BAHCC1: variants seen among roughly 807,000 people sequenced by gnomAD.
BAHCC1 encodes the protein BAH and coiled-coil domain-containing protein 1.
In BAHCC1, 43 loss-of-function variants were observed where a neutral mutation model predicts 88.2. The observed-to-expected ratio is 0.49, with a 90% CI of 0.38 to 0.63. The LOEUF (loss-of-function observed/expected upper bound fraction) is 0.63. Among genes scored for constraint, BAHCC1 ranks in the 20% least tolerant of loss-of-function variants. The pLI, the probability that BAHCC1 is intolerant of heterozygous loss-of-function variation, is 0.00. For synonymous variants in BAHCC1, 1,510 were observed against 745.5 expected, an observed-to-expected ratio of 2.03 and a Z score of -16.71; for missense variants, 3,023 against 1,654.8, an observed-to-expected ratio of 1.83 and a Z score of -14.34.
rs782742336 is a variant in BAHCC1 at position 81,438,493 on chromosome 17, G to T, written c.481+1G>T. 1.3e-6 allele frequency: 1 copy of T among 767,752 alleles called. No homozygotes were observed. The highest frequency in any genetic ancestry group is 1.4e-5 in the South Asian group (1 of 72,438). 47.6% of individuals were successfully genotyped at this position (767,752 alleles called of 1,614,324 possible). On this transcript the variant is annotated splice_donor_variant, in intron 4 of 27. Transcript: ENST00000675386. LOFTEE classifies it high-confidence loss of function. ...CACCGTTTCTATGGAACCCAAAAAGGCAAGTGCAGCATGGGACCGGCGTGG... is the reference window on the plus strand; with the variant it reads ...CACCGTTTCTATGGAACCCAAAAAGTCAAGTGCAGCATGGGACCGGCGTGG...
intron 26 of BAHCC1, 104 bp downstream of exon 26, chr17:81,462,150 G>T: frequency 1.6e-6 from 1 of 606,938 alleles, no homozygotes; most frequent in Non-Finnish European, 2.9e-6. Context: ...CTTCCTACTT[G>T]ATTTCAAGTT....
intron 2 of BAHCC1, among the ~76,000 whole-genome samples, chr17:81,417,170 A>T (rs1421185405): frequency 6.6e-6 from 1 of 152,114 alleles, no homozygotes; most frequent in Non-Finnish European, 1.5e-5. Flanking sequence ...TGCCCCTGAC[A>T]TCTTCACCGG....
intron 24 of BAHCC1, 34 bp downstream of exon 24, chr17:81,460,430 C>T (rs2143654122): frequency 2.7e-6 from 2 of 738,964 alleles, no homozygotes; most frequent in East Asian, 5.2e-5. Context: ...CAGGGCCCTG[C>T]CTGGGCTCCA....
Position 81,443,377 on chromosome 17 carries a change from C to A in BAHCC1, c.2028C>A (p.Gly676=). The change falls in exon 5 of 28, where the codon GGC becomes GGA. Residue 676 remains glycine (G), a synonymous_variant. Transcript: ENST00000675386. ...EAKFLSSKGP[G]QSERPDCARS... is the part of the protein sequence containing the mutation. ...AGTTCCTGTCCTCTAAGGGCCCAGG[C>A]CAGTCGGAGAGGCCGGACTGTGCCC... The A allele has an allele frequency of 1.3e-6, 1 of 776,136 alleles. No homozygotes were observed. Among genetic ancestry groups the A allele is most frequent in the Non-Finnish European group, 2.4e-6 (1 of 416,340 alleles). 48.1% of individuals were successfully genotyped at this position (776,136 alleles called of 1,614,324 possible).
In BAHCC1 at chr17:81,464,464, T is replaced by G; in HGVS notation, c.*647T>G. 1 of 154,204 alleles carries G rather than the reference T, an allele frequency of 6.5e-6. No homozygotes were observed. The highest frequency in any genetic ancestry group is 1.4e-5 in the Non-Finnish European group (1 of 69,306). 9.6% of individuals were successfully genotyped at this position (154,204 alleles called of 1,614,324 possible). A position where few individuals can be genotyped will look rare whatever the true frequency, so the allele number is the denominator to read the frequency against. On this transcript the variant is annotated 3_prime_UTR_variant, in exon 28 of 28. Transcript: ENST00000675386. ...TGGGACCCTTGACGGCACCCTCTGATCTCTTGGGGGGACGACCGTGTAAGA... is the reference window on the plus strand; with the variant it reads ...TGGGACCCTTGACGGCACCCTCTGAGCTCTTGGGGGGACGACCGTGTAAGA...
chr17:81,441,414 G>C (rs1487804533), intron 4 of BAHCC1, among the ~76,000 whole-genome samples: 2 of 152,208 alleles, frequency 1.3e-5, no homozygotes, highest in Non-Finnish European at 2.9e-5. Context: ...TGTAATCCCA[G>C]TACTTTGGGA....
rs1207423984 is a variant in BAHCC1 at position 81,442,868 on chromosome 17, G to T, written c.1519G>T (p.Gly507Cys). ...PTSSQDCARP[G>C]HQDPLGGKAP... ...CTCTTCACAGGACTGTGCCCGGCCT[G>T]GTCACCAGGACCCGCTGGGCGGGAA... The change falls in exon 5 of 28, where the codon GGT becomes TGT. Residue 507 changes from glycine to cysteine, a missense_variant. Coordinates refer to ENST00000675386, the MANE Select transcript of BAHCC1 (RefSeq NM_001377448.1). 1 of 779,268 alleles carries T rather than the reference G, an allele frequency of 1.3e-6. No individual in the cohort carries two copies. The highest frequency in any genetic ancestry group is 2.4e-6 in the Non-Finnish European group (1 of 417,888). 48.3% of individuals were successfully genotyped at this position (779,268 alleles called of 1,614,324 possible).
chr17:81,411,580 G>C lies in BAHCC1; in HGVS notation c.178+11663G>C, dbSNP rs1442308038. 1 of 411,254 alleles carries C rather than the reference G, an allele frequency of 2.4e-6. No homozygotes were observed. The highest frequency in any genetic ancestry group is 1.7e-5 in the South Asian group (1 of 60,244). 25.5% of individuals were successfully genotyped at this position (411,254 alleles called of 1,614,324 possible). On this transcript the variant is annotated intron_variant, in intron 2 of 27. Transcript: ENST00000675386. The surrounding 1 kb of genome is among the most constrained non-coding windows in gnomAD (Gnocchi z 6.2). ...CCTTCCTTCCTTCCTTCCTTGAGAG[G>C]CCTCTCTACCCAGCACCCACGAAGA...
intron 2 of BAHCC1, chr17:81,407,427 C>A (rs2143232000): frequency 1.9e-6 from 1 of 518,060 alleles, no homozygotes; most frequent in South Asian, 1.4e-5. Flanking sequence ...ACAGTTGAAG[C>A]TTTGCTTTCT....
At chr17:81,446,609 C>T (rs1259805255) in intron 10 of BAHCC1, 2 of 291,462 alleles carry the variant, frequency 6.9e-6, no homozygotes, top group Non-Finnish European at 1.3e-5. Flanking sequence ...AGTGCAGTGA[C>T]GCGAACATGG....
chr17:81,411,015 C>T lies in BAHCC1; in HGVS notation c.178+11098C>T. 1.9e-6 allele frequency: 1 copy of T among 513,346 alleles called. No homozygotes were observed. Among genetic ancestry groups the T allele is most frequent in the Non-Finnish European group, 3.9e-6 (1 of 257,454 alleles). The allele number at this position is 513,346 out of a possible 1,614,324, so 31.8% of individuals were successfully genotyped here. A position where few individuals can be genotyped will look rare whatever the true frequency, so the allele number is the denominator to read the frequency against. ...GGAGCCGCACCTGGGTCTTTGTTGT[C>T]CATATGTCTGTGTGAAGGCCTGGGG... On this transcript the variant is annotated intron_variant, in intron 2 of 27. Transcript: ENST00000675386. The surrounding 1 kb of genome is among the most constrained non-coding windows in gnomAD (Gnocchi z 6.2).
Position 81,458,667 on chromosome 17 carries a change from A to G in BAHCC1, c.5390A>G (p.Lys1797Arg), listed in dbSNP as rs1026346434. 6 of 723,014 alleles carry G rather than the reference A, an allele frequency of 8.3e-6. No individual in the cohort carries two copies. Among genetic ancestry groups the G allele is most frequent in the Middle Eastern group, 2.3e-4 (1 of 4,388 alleles). 44.8% of individuals were successfully genotyped at this position (723,014 alleles called of 1,614,324 possible). A position where few individuals can be genotyped will look rare whatever the true frequency, so the allele number is the denominator to read the frequency against. ...ATCACGCTGGCCACACGCAACGCCA[A>G]GGCCATCCTGGGGAAGGGCCGGAAG... Reference protein sequence around the residue: ...LSITLATRNAKAILGKGRKLS... With the variant: ...LSITLATRNARAILGKGRKLS... The change falls in exon 19 of 28, where the codon AAG becomes AGG. Residue 1797 changes from lysine (K) to arginine (R), a missense_variant. Lys to Arg is a conservative substitution (Grantham distance 26). Transcript: ENST00000675386.
In BAHCC1 at chr17:81,452,096, G is replaced by A. The variant is rs1343984225; in HGVS notation, c.4305G>A (p.Lys1435=). ...GGGAGCTGGCCCGCCTGCAGCGCAAGCACGACCATGAGTACGCCTGGCGTG... is the reference window on the plus strand; with the variant it reads ...GGGAGCTGGCCCGCCTGCAGCGCAAACACGACCATGAGTACGCCTGGCGTG... ...KQRELARLQR[K]HDHERDESSR... Residue 1435 remains lysine (K), a synonymous_variant, in exon 13 of 28, where the codon AAG becomes AAA. Transcript: ENST00000675386. 1.6e-6 allele frequency: 1 copy of A among 635,112 alleles called. No homozygotes were observed. Among genetic ancestry groups the A allele is most frequent in the Non-Finnish European group, 2.8e-6 (1 of 359,144 alleles). 39.3% of individuals were successfully genotyped at this position (635,112 alleles called of 1,614,324 possible). A position where few individuals can be genotyped will look rare whatever the true frequency, so the allele number is the denominator to read the frequency against.
chr17:81,396,205 G>A (rs1291622065), intron 1 of BAHCC1: 1 of 152,320 alleles, frequency 6.6e-6, no homozygotes, highest in Admixed American at 6.5e-5. Context: ...TGCCCTGAGG[G>A]GCCTTCCGGG....
At chr17:81,462,239 C>T (rs367658707) in intron 26 of BAHCC1, among the ~76,000 whole-genome samples, 193 bp downstream of exon 26, 210 of 152,390 alleles carry the variant, frequency 1.4e-3, no homozygotes, top group African/African-American at 4.7e-3. Context: ...TGGCCCCTCG[C>T]TGGAGCCCGT....
chr17:81,455,227 G>A, intron 14 of BAHCC1, 40 bp from the exon 15 acceptor site: 2 of 705,956 alleles, frequency 2.8e-6, no homozygotes, highest in Non-Finnish European at 5.2e-6. Context: ...GGGGCGGCCG[G>A]GCCTGCATCT....
intron 11 of BAHCC1, among the ~76,000 whole-genome samples, chr17:81,448,581 C>T (rs949585992): frequency 6.6e-6 from 1 of 152,196 alleles, no homozygotes; most frequent in Non-Finnish European, 1.5e-5. Context: ...GGCACGGCGC[C>T]GTGGTTGTTG....
Position 81,457,601 on chromosome 17 carries a change from G to A in BAHCC1, c.5041+9G>A. ...GAGGCAGGGGTTGCTAGGTAACCAG[G>A]AGGGAGGACAGGGGTTGCTAGGTAA... is the stretch of plus-strand genomic sequence containing the variant. On this transcript the variant is annotated intron_variant, in intron 17 of 27. Coordinates refer to ENST00000675386, the MANE Select transcript of BAHCC1 (RefSeq NM_001377448.1). 1 of 719,502 alleles carries A rather than the reference G, an allele frequency of 1.4e-6. No individual in the cohort carries two copies. The highest frequency in any genetic ancestry group is 2.9e-4 in the Middle Eastern group (1 of 3,478). The allele number at this position is 719,502 out of a possible 1,614,324, so 44.6% of individuals were successfully genotyped here.
chr17:81,431,979 T>C (rs1457204573), intron 3 of BAHCC1, among the ~76,000 whole-genome samples: 1 of 152,168 alleles, frequency 6.6e-6, no homozygotes, highest in Non-Finnish European at 1.5e-5. Context: ...AGATGCGGCA[T>C]GGGCCCCTGC....
Sources: allele counts gnomAD v4.1 joint callset (sites outside exome capture counted in the v4.1 genomes callset), GRCh38; gene constraint gnomAD v4.1.1; non-coding constraint Gnocchi (gnomAD v3.1); transcripts MANE v1.5; gene names NCBI Gene and HGNC (gene_info 2026-07-23, HGNC 2026-07-21).